RAG1: variants seen among roughly 807,000 people sequenced by gnomAD.
The protein encoded by RAG1 is V(D)J recombination-activating protein 1.
In RAG1, 35 loss-of-function variants were observed where a neutral mutation model predicts 62.7. That is an observed-to-expected ratio of 0.56 (90% CI 0.43 to 0.74). The LOEUF (loss-of-function observed/expected upper bound fraction) is 0.74. Ranked by LOEUF, RAG1 falls within the 30% of genes least tolerant of loss-of-function variation. RAG1 has a pLI of 0.00. For missense variants in RAG1, 1,169 were observed against 1,278.6 expected (o/e 0.91, Z 1.31); for synonymous variants, 461 against 470.3 (o/e 0.98, Z 0.26).
At chr11:36,533,142 C>G (rs557090914) in intron 2 of RAG1, among the ~76,000 whole-genome samples, 13 of 152,046 alleles carry the variant, frequency 8.6e-5, no homozygotes, top group Non-Finnish European at 1.5e-4. Context: ...TGTTCTGGTT[C>G]CCCATAGAAA....
upstream of RAG1, among the ~76,000 whole-genome samples, chr11:36,563,895 T>G (rs1850624845): frequency 6.6e-6 from 1 of 152,208 alleles, no homozygotes; most frequent in African/African-American, 2.4e-5. Flanking sequence ...TTATGTTTAC[T>G]GTAGAGTTGA....
chr11:36,577,561 G>A lies in RAG1; in HGVS notation c.*1125G>A, dbSNP rs1202018416. ...CGCTAAGTTTAGATGGAGTCCAAAC[G>A]CAGTACAGCAGAAGAGTTAACATTT... On this transcript the variant is annotated 3_prime_UTR_variant, in exon 2 of 2. Coordinates refer to ENST00000299440, the MANE Select transcript of RAG1 (RefSeq NM_000448.3). 3.0e-5 allele frequency: 5 copies of A among 167,018 alleles called. No individual in the cohort carries two copies. Among genetic ancestry groups the A allele is most frequent in the Non-Finnish European group, 5.9e-5 (4 of 68,110 alleles). 10.3% of individuals were successfully genotyped at this position (167,018 alleles called of 1,614,324 possible). A position where few individuals can be genotyped will look rare whatever the true frequency, so the allele number is the denominator to read the frequency against.
rs1373734702 is a variant in RAG1 at position 36,576,953 on chromosome 11, T to G, written c.*517T>G. 2 of 175,442 alleles carry G rather than the reference T, an allele frequency of 1.1e-5. No homozygotes were observed. Among genetic ancestry groups the G allele is most frequent in the Non-Finnish European group, 2.8e-5 (2 of 72,476 alleles). The allele number at this position is 175,442 out of a possible 1,614,324, so 10.9% of individuals were successfully genotyped here. On this transcript the variant is annotated 3_prime_UTR_variant, in exon 2 of 2. Transcript: ENST00000299440. ...TAAGATTCAAAAGAGCTTTTTAAATTTTTCTAATAATATCTTACATTTGTA... is the reference window on the plus strand; with the variant it reads ...TAAGATTCAAAAGAGCTTTTTAAATGTTTCTAATAATATCTTACATTTGTA...
intron 3 of RAG1, among the ~76,000 whole-genome samples, chr11:36,548,911 G>C (rs774266129): frequency 3.3e-5 from 5 of 152,080 alleles, no homozygotes. Flanking sequence ...CATGGTACTG[G>C]TACCAAAACA....
intron 2 of RAG1, among the ~76,000 whole-genome samples, chr11:36,528,867 C>T (rs1860207955): frequency 6.6e-6 from 1 of 152,166 alleles, no homozygotes; most frequent in African/African-American, 2.4e-5. Context: ...CTATAACCAC[C>T]TCTGTGCAAG....
intron 3 of RAG1, among the ~76,000 whole-genome samples, chr11:36,547,748 A>G (rs1361830739): frequency 6.6e-6 from 1 of 152,212 alleles, no homozygotes; most frequent in Admixed American, 6.5e-5. Flanking sequence ...CAATAGAAAA[A>G]GAGGGAATCC....
upstream of RAG1, among the ~76,000 whole-genome samples, chr11:36,566,094 A>G (rs1231033702): frequency 4.6e-5 from 7 of 152,244 alleles, no homozygotes; most frequent in Admixed American, 1.3e-4. Flanking sequence ...AGAGAGAGAG[A>G]GAGAGAGAAA....
rs144616804 is a variant in RAG1, at chr11:36,574,055, A to G, written c.751A>G (p.Arg251Gly). 1.7e-5 allele frequency: 27 copies of G among 1,614,072 alleles called. No homozygotes were observed. Among genetic ancestry groups the G allele is most frequent in the Non-Finnish European group, 2.3e-5 (27 of 1,180,040 alleles). ...AGCAAGACAAGCCCGTCAGCACAAG[A>G]GAAGAGCTCAGGCAAGGATCAGCAG... Reference protein sequence around the residue: ...DQARQARQHKRRAQARISSKD... With the variant: ...DQARQARQHKGRAQARISSKD... The change falls in exon 2 of 2, where the codon AGA (arginine) becomes GGA (glycine). Residue 251 changes from arginine (R) to glycine (G), a missense_variant. Arg to Gly is a moderately radical substitution (Grantham distance 125). Coordinates refer to ENST00000299440, the MANE Select transcript of RAG1 (RefSeq NM_000448.3).
At chr11:36,535,559 C>A (rs1197961240) in intron 2 of RAG1, among the ~76,000 whole-genome samples, 2 of 152,092 alleles carry the variant, frequency 1.3e-5, no homozygotes, top group Non-Finnish European at 1.5e-5. Context: ...GCCTGGCCAA[C>A]ATGGTGAAAC....
rs145906483 is a variant in RAG1 at position 36,516,741 on chromosome 11, C to G, written n.331-3391C>G. ...ACATTTTTGAAAATTACTAAAATCA[C>G]CCCAAACCTGAAATAAAGCAAAAGG... On this transcript the variant is annotated intron_variant and non_coding_transcript_variant, in intron 1 of 2. Transcript: ENST00000529126. 9.5e-3 allele frequency among the ~76,000 whole-genome samples: 1,450 copies of G among 152,288 alleles called. 68 individuals are homozygous for G. The highest frequency in any genetic ancestry group is 0.085 in the Admixed American group (1,295 of 15,294).
At chr11:36,566,221 C>T (rs566987001), upstream of RAG1, among the ~76,000 whole-genome samples, 150 of 152,180 alleles carry the variant, frequency 9.9e-4, no homozygotes, top group Non-Finnish European at 1.8e-3. Flanking sequence ...TTATTGACCT[C>T]AGAGAAATTT....
rs755551812 is a variant in RAG1 at position 36,575,792 on chromosome 11, A to T, written c.2488A>T (p.Lys830Ter). Residue 830 changes from lysine to a stop codon, truncating the protein, a stop_gained, in exon 2 of 2, where the codon AAA (lysine) becomes TAA (stop). Transcript: ENST00000299440. LOFTEE classifies it high-confidence loss of function. This position sits in a 1 kb window ranked among gnomAD's most constrained non-coding sequence, Gnocchi z 4.1. ...TCCCAATGCTTCCAAAGAGGAAAGG[A>T]AAAGGTGGCAGGCCACACTGGACAA... Reference protein sequence around the residue: ...KNPNASKEERKRWQATLDKHL... With the variant: ...KNPNASKEER 20 of 1,614,070 alleles carry T rather than the reference A, an allele frequency of 1.2e-5. No homozygotes were observed. In the Admixed American group the frequency reaches 2.2e-4, roughly 17 times the overall value.
At chr11:36,568,312 C>T (rs1850689083) in intron 1 of RAG1, among the ~76,000 whole-genome samples, 190 bp downstream of exon 1, 1 of 151,996 alleles carries the variant, frequency 6.6e-6, no homozygotes, top group Admixed American at 6.5e-5. Context: ...ACTGAAGGTT[C>T]ATAGAAAGAT....
intron 3 of RAG1, among the ~76,000 whole-genome samples, chr11:36,550,723 G>A (rs1181689527): frequency 6.6e-6 from 1 of 152,022 alleles, no homozygotes; most frequent in South Asian, 2.1e-4. Context: ...TGCCTAGTTG[G>A]ACTTAATTCT....
intron 3 of RAG1, among the ~76,000 whole-genome samples, chr11:36,544,882 A>C (rs1262630246): frequency 6.6e-6 from 1 of 152,186 alleles, no homozygotes; most frequent in African/African-American, 2.4e-5. Flanking sequence ...CTTTTCTGCA[A>C]CCATGCTTCC....
chr11:36,571,028 C>T (rs1028877295), intron 1 of RAG1, among the ~76,000 whole-genome samples: 1 of 152,160 alleles, frequency 6.6e-6, no homozygotes, highest in African/African-American at 2.4e-5. Flanking sequence ...TAACTTGATG[C>T]AATCCCATTT....
chr11:36,531,870 T>C (rs1356565910), intron 2 of RAG1, among the ~76,000 whole-genome samples: 1 of 152,072 alleles, frequency 6.6e-6, no homozygotes, highest in Non-Finnish European at 1.5e-5. Flanking sequence ...CAAATGGAAG[T>C]CTTCCTTCTT....
chr11:36,517,105 G>A (rs1405690649), intron 1 of RAG1, among the ~76,000 whole-genome samples: 1 of 152,098 alleles, frequency 6.6e-6, no homozygotes, highest in Non-Finnish European at 1.5e-5. Context: ...GAACTTGGTG[G>A]GAAAAACAGG....
chr11:36,513,009 A>G (rs1006413949), intron 1 of RAG1, among the ~76,000 whole-genome samples: 9 of 152,200 alleles, frequency 5.9e-5, no homozygotes, highest in African/African-American at 1.9e-4. Flanking sequence ...GGGTCGTGGA[A>G]GGACACTCTT....
Sources: allele counts gnomAD v4.1 joint callset (sites outside exome capture counted in the v4.1 genomes callset), GRCh38; gene constraint gnomAD v4.1.1; non-coding constraint Gnocchi (gnomAD v3.1); transcripts MANE v1.5; gene names NCBI Gene and HGNC (gene_info 2026-07-23, HGNC 2026-07-21).